Variants in CNKSR3 observed in about 807,000 individuals in gnomAD.
CNKSR3 encodes the protein connector enhancer of kinase suppressor of ras 3.
CNKSR3 carries 36 observed loss-of-function variants against 67.7 expected under a neutral mutation model. That is an observed-to-expected ratio of 0.53 (90% CI 0.41 to 0.70). CNKSR3 has a LOEUF of 0.70. Among genes scored for constraint, CNKSR3 ranks in the 30% least tolerant of loss-of-function variants. The pLI, the probability that CNKSR3 is intolerant of heterozygous loss-of-function variation, is 0.00. For missense variants in CNKSR3, 630 were observed against 695.2 expected, an observed-to-expected ratio of 0.91 and a Z score of 1.05; for synonymous variants, 281 against 271.4, an observed-to-expected ratio of 1.04 and a Z score of -0.35.
intron 1 of CNKSR3, among the ~76,000 whole-genome samples, chr6:154,496,631 C>T (rs2114654732): frequency 6.6e-6 from 1 of 152,164 alleles, no homozygotes; most frequent in Non-Finnish European, 1.5e-5. Flanking sequence ...GCATTAGAAC[C>T]TAAAAACATG....
intron 1 of CNKSR3, among the ~76,000 whole-genome samples, chr6:154,484,510 C>T (rs192645300): frequency 1.0e-3 from 152 of 152,114 alleles, no homozygotes; most frequent in African/African-American, 3.5e-3. Context: ...TCGAGACCAG[C>T]CTGACCAACA....
At chr6:154,500,053 A>G (rs1458180642) in intron 1 of CNKSR3, among the ~76,000 whole-genome samples, 1 of 152,112 alleles carries the variant, frequency 6.6e-6, no homozygotes, top group Non-Finnish European at 1.5e-5. Flanking sequence ...TCCAGTTGGT[A>G]TCTCTGTTAA....
chr6:154,497,260 G>A (rs190896519), intron 1 of CNKSR3, among the ~76,000 whole-genome samples: 1 of 151,950 alleles, frequency 6.6e-6, no homozygotes, highest in Admixed American at 6.6e-5. Context: ...GTGTGGTGAT[G>A]CATGCCTGTG....
At position 154,441,318 on chromosome 6, in the gene CNKSR3, A is replaced by G. The variant is rs778848377; in HGVS notation, c.481T>C (p.Leu161=). Residue 161 remains leucine, a synonymous_variant, in exon 4 of 13, where the codon TTG becomes CTG. Transcript: ENST00000607772. ...TTCTGGACTGTAGTGGTCAGGTCCAAGCAAAGCTGGATAATTTTGTTCTTC... is the reference window on the plus strand; with the variant it reads ...TTCTGGACTGTAGTGGTCAGGTCCAGGCAAAGCTGGATAATTTTGTTCTTC... The part of the protein sequence containing the change: ...VTKNKIIQLC[L]DLTTTVQKDC... 5 of 1,613,732 alleles carry G rather than the reference A, an allele frequency of 3.1e-6. No homozygotes were observed. The highest frequency in any genetic ancestry group is 1.7e-4 in the Middle Eastern group (1 of 6,060).
chr6:154,440,855 G>A (rs1308635143), intron 4 of CNKSR3, among the ~76,000 whole-genome samples: 1 of 152,058 alleles, frequency 6.6e-6, no homozygotes, highest in Non-Finnish European at 1.5e-5. Context: ...GTTTGTTCCT[G>A]TACCACAACC....
chr6:154,422,542 G>T lies in CNKSR3; in HGVS notation c.909C>A (p.Pro303=). ...PTGSFNFTPA[P]LKNLRWKPPL... The stretch of plus-strand genomic sequence containing the variant: ...GTGGCTTCCACCGTAGGTTTTTCAG[G>T]GGAGCAGGAGTAAAGTTGAAAGACC... The change falls in exon 9 of 13, where the codon CCC becomes CCA. Residue 303 remains proline (P), a synonymous_variant. Transcript: ENST00000607772. The T allele has an allele frequency of 6.2e-7, 1 of 1,614,084 alleles. No individual in the cohort carries two copies. Among genetic ancestry groups the T allele is most frequent in the Non-Finnish European group, 8.5e-7 (1 of 1,180,000 alleles).
chr6:154,498,992 A>G (rs1786929818), intron 1 of CNKSR3, among the ~76,000 whole-genome samples: 3 of 152,200 alleles, frequency 2.0e-5, no homozygotes, highest in Admixed American at 2.0e-4. Flanking sequence ...ATTCCACATG[A>G]AAGCTAAACA....
At chr6:154,482,499 C>G (rs961072344) in intron 1 of CNKSR3, among the ~76,000 whole-genome samples, 1 of 152,070 alleles carries the variant, frequency 6.6e-6, no homozygotes, top group Admixed American at 6.6e-5. Flanking sequence ...TTGCATAAGC[C>G]CTACTTCTAA....
chr6:154,461,221 A>C (rs1027129785), intron 1 of CNKSR3, among the ~76,000 whole-genome samples: 4 of 152,138 alleles, frequency 2.6e-5, no homozygotes, highest in African/African-American at 9.7e-5. Context: ...TATCAGGAAA[A>C]AGGCAAAGCT....
At chr6:154,426,000 A>G (rs1453860673) in intron 7 of CNKSR3, among the ~76,000 whole-genome samples, 1 of 152,138 alleles carries the variant, frequency 6.6e-6, no homozygotes. Flanking sequence ...GTGGGCTCTC[A>G]CCTAACTTCC....
At chr6:154,464,221 TAG>T (rs1786143841) in intron 1 of CNKSR3, among the ~76,000 whole-genome samples, 2 of 152,222 alleles carry the variant, frequency 1.3e-5, no homozygotes, top group Admixed American at 1.3e-4. Context: ...GACTGACTGT[TAG>T]GGTGGAGGGT....
At chr6:154,491,513 T>C (rs193049378) in intron 1 of CNKSR3, among the ~76,000 whole-genome samples, 8 of 152,356 alleles carry the variant, frequency 5.3e-5, no homozygotes, top group Non-Finnish European at 1.2e-4. Flanking sequence ...CAGATAAATC[T>C]TAAAAGATAT....
At chr6:154,448,868 C>T (rs1454395500) in intron 2 of CNKSR3, among the ~76,000 whole-genome samples, 1 of 152,182 alleles carries the variant, frequency 6.6e-6, no homozygotes, top group Non-Finnish European at 1.5e-5. Flanking sequence ...CATTCTTTCC[C>T]ACCATTCTCA....
rs375858594 is a variant in CNKSR3 at position 154,411,007 on chromosome 6, C to G, written c.1206G>C (p.Ser402=). Residue 402 remains serine, a synonymous_variant, in exon 11 of 13, where the codon TCG becomes TCC. Transcript: ENST00000607772. ...CCACCGAGTACCCAGGCAACTGATC[C>G]GAGTCTGCAATGGTGAATCTTCGTC... ...SRRRRFTIAD[S]DQLPGYSVET... 6.2e-7 allele frequency: 1 copy of G among 1,614,046 alleles called. No individual in the cohort carries two copies. Among genetic ancestry groups the G allele is most frequent in the East Asian group, 2.2e-5 (1 of 44,868 alleles).
In CNKSR3 at chr6:154,405,904, C is replaced by T. The variant is rs1410832325; in HGVS notation, c.*450G>A. On this transcript the variant is annotated 3_prime_UTR_variant, in exon 13 of 13. Transcript: ENST00000607772. ...AATATGGTAGATAGTTTAGAAAAAT[C>T]AAATCAAAAATGTTTTCTCACTGGC... The T allele has an allele frequency of 6.3e-6, 1 of 159,078 alleles. No homozygotes were observed. Among genetic ancestry groups the T allele is most frequent in the East Asian group, 1.8e-4 (1 of 5,446 alleles). 9.9% of individuals were successfully genotyped at this position (159,078 alleles called of 1,614,324 possible). A position where few individuals can be genotyped will look rare whatever the true frequency, so the allele number is the denominator to read the frequency against.
chr6:154,475,395 T>C (rs753398080), intron 1 of CNKSR3, among the ~76,000 whole-genome samples: 6 of 152,022 alleles, frequency 3.9e-5, no homozygotes, highest in Non-Finnish European at 5.9e-5. Context: ...CCAGCAATAA[T>C]CCACCCTCAT....
Position 154,397,474 on chromosome 6 carries a change from A to G in CNKSR3, c.*8880T>C, listed in dbSNP as rs1784672788. On this transcript the variant is annotated 3_prime_UTR_variant, in exon 13 of 13. Transcript: ENST00000607772. ...TGCCCATGACCAGCTCTTGTTTATCATTGGCATGGCCATGAACACAAACAA... is the reference window on the plus strand; with the variant it reads ...TGCCCATGACCAGCTCTTGTTTATCGTTGGCATGGCCATGAACACAAACAA... The G allele has an allele frequency of 6.6e-6, 1 of 152,254 alleles. No homozygotes were observed. Among genetic ancestry groups the G allele is most frequent in the Non-Finnish European group, 1.5e-5 (1 of 68,040 alleles). The allele number at this position is 152,254 out of a possible 1,614,324, so 9.4% of individuals were successfully genotyped here.
Position 154,389,362 on chromosome 6 carries a change from T to C in CNKSR3, c.*16992A>G, listed in dbSNP as rs781080161. ...TGAAGAGACTATCCTTTCCCCATTA[T>C]GTATTCTTGGCACCATTGTTGAAGA... On this transcript the variant is annotated 3_prime_UTR_variant, in exon 13 of 13. Transcript: ENST00000607772. 1 of 152,488 alleles carries C rather than the reference T, an allele frequency of 6.6e-6. No homozygotes were observed. Among genetic ancestry groups the C allele is most frequent in the Non-Finnish European group, 1.5e-5 (1 of 68,050 alleles). The allele number at this position is 152,488 out of a possible 1,614,324, so 9.4% of individuals were successfully genotyped here. A position where few individuals can be genotyped will look rare whatever the true frequency, so the allele number is the denominator to read the frequency against.
chr6:154,416,966 C>G (rs964472498), intron 9 of CNKSR3, among the ~76,000 whole-genome samples: 13 of 152,186 alleles, frequency 8.5e-5, no homozygotes, highest in Admixed American at 2.0e-4. Flanking sequence ...CAGAGAACAT[C>G]GCAGTGTCTC....
Sources: allele counts gnomAD v4.1 joint callset (sites outside exome capture counted in the v4.1 genomes callset), GRCh38; gene constraint gnomAD v4.1.1; transcripts MANE v1.5; gene names NCBI Gene and HGNC (gene_info 2026-07-23, HGNC 2026-07-21).